Variants in KCND2 observed in about 807,000 individuals in gnomAD.
The protein encoded by KCND2 is A-type voltage-gated potassium channel KCND2.
KCND2 carries 16 observed loss-of-function variants against 54.4 expected under a neutral mutation model. The ratio of observed to expected loss-of-function variants is 0.29; its 90% CI spans 0.20 to 0.45. The LOEUF (loss-of-function observed/expected upper bound fraction) is 0.45. KCND2 is among the 20% of genes least tolerant of loss of function. The pLI is 1.00. For missense variants in KCND2, 486 were observed against 824.2 expected, an observed-to-expected ratio of 0.59 and a Z score of 5.02; for synonymous variants, 317 against 310.7, an observed-to-expected ratio of 1.02 and a Z score of -0.21.
At chr7:120,509,564 T>C (rs73217267) in intron 1 of KCND2, among the ~76,000 whole-genome samples, 1 of 152,240 alleles carries the variant, frequency 6.6e-6, no homozygotes, top group Non-Finnish European at 1.5e-5. Context: ...CTTACTTCTT[T>C]TGGCAACACA....
intron 1 of KCND2, among the ~76,000 whole-genome samples, chr7:120,389,847 T>G (rs1801046458): frequency 6.6e-6 from 1 of 151,930 alleles, no homozygotes; most frequent in Non-Finnish European, 1.5e-5. Flanking sequence ...TTTTTAAACC[T>G]TTTTATAGAT....
In KCND2 at chr7:120,403,730, A is replaced by G. The variant is rs1333637858; in HGVS notation, c.1115+127983A>G. Reference sequence around the variant, plus strand: ...GAAATACAAGTAAATAATTTTGGGGAAGAAAATACATTTATATAACAACAC... The same window carrying G: ...GAAATACAAGTAAATAATTTTGGGGGAGAAAATACATTTATATAACAACAC... On this transcript the variant is annotated intron_variant, in intron 1 of 5. Coordinates refer to ENST00000331113, the MANE Select transcript of KCND2 (RefSeq NM_012281.3). Among the ~76,000 whole-genome samples the G allele has an allele frequency of 7.2e-5, 11 of 152,052 alleles. 1 individual carries two copies. Among genetic ancestry groups the G allele is most frequent in the Admixed American group, 7.2e-4 (11 of 15,238 alleles).
chr7:120,445,397 T>C (rs1340521589), intron 1 of KCND2, among the ~76,000 whole-genome samples: 2 of 152,096 alleles, frequency 1.3e-5, no homozygotes, highest in African/African-American at 4.8e-5. Flanking sequence ...ATAAGTCAAA[T>C]AGAGAATAAT....
chr7:120,357,263 A>G (rs1800520241), intron 1 of KCND2, among the ~76,000 whole-genome samples: 2 of 152,170 alleles, frequency 1.3e-5, no homozygotes. Context: ...TTTTTAAATG[A>G]TGAAACTGAA....
rs956169432 is a variant in KCND2, at chr7:120,750,313, A to T, written c.*2455A>T. The T allele has an allele frequency of 1.3e-5, 2 of 152,426 alleles. No individual in the cohort carries two copies. Among genetic ancestry groups the T allele is most frequent in the Non-Finnish European group, 2.9e-5 (2 of 67,902 alleles). The allele number at this position is 152,426 out of a possible 1,614,324, so 9.4% of individuals were successfully genotyped here. A position where few individuals can be genotyped will look rare whatever the true frequency, so the allele number is the denominator to read the frequency against. On this transcript the variant is annotated 3_prime_UTR_variant, in exon 6 of 6. Coordinates refer to ENST00000331113, the MANE Select transcript of KCND2 (RefSeq NM_012281.3). ...CCTTTGGAGAATACTTAAATAAAAC[A>T]TGTGCATGCTTGAACAGGACAAAAT...
At chr7:120,461,245 T>C (rs1252972350) in intron 1 of KCND2, among the ~76,000 whole-genome samples, 1 of 152,198 alleles carries the variant, frequency 6.6e-6, no homozygotes, top group African/African-American at 2.4e-5. Context: ...ATAATTAGCA[T>C]TGGTGGCTTG....
intron 1 of KCND2, among the ~76,000 whole-genome samples, chr7:120,635,481 A>G (rs1364870424): frequency 2.0e-5 from 3 of 152,224 alleles, no homozygotes; most frequent in Non-Finnish European, 4.4e-5. Context: ...GAACTACACA[A>G]ATTTGGTAGA....
At chr7:120,730,237 G>A (rs183260509) in intron 1 of KCND2, among the ~76,000 whole-genome samples, 18 of 152,098 alleles carry the variant, frequency 1.2e-4, no homozygotes, top group Admixed American at 3.3e-4. Context: ...GTGTGTGCGC[G>A]CGTGCGTGTG....
intron 1 of KCND2, among the ~76,000 whole-genome samples, chr7:120,491,473 T>G (rs976694512): frequency 1.3e-5 from 2 of 152,138 alleles, no homozygotes; most frequent in Non-Finnish European, 2.9e-5. Context: ...TCATCATGCA[T>G]AATCGAAAGG....
At chr7:120,380,785 CTG>C (rs1800906818) in intron 1 of KCND2, among the ~76,000 whole-genome samples, 1 of 151,962 alleles carries the variant, frequency 6.6e-6, no homozygotes, top group South Asian at 2.1e-4. Context: ...AAAACCCAAA[CTG>C]AGCCTGCATT....
chr7:120,434,124 T>C (rs1262813467), intron 1 of KCND2, among the ~76,000 whole-genome samples: 1 of 152,172 alleles, frequency 6.6e-6, no homozygotes, highest in Non-Finnish European at 1.5e-5. Context: ...ACTTGCTTTA[T>C]TGAATTAAGA....
At chr7:120,702,552 A>C (rs1277198102) in intron 1 of KCND2, among the ~76,000 whole-genome samples, 1 of 152,210 alleles carries the variant, frequency 6.6e-6, no homozygotes, top group Non-Finnish European at 1.5e-5. Context: ...AATGTCCATC[A>C]ATAGTAGACT....
At chr7:120,509,716 C>G (rs1394982315) in intron 1 of KCND2, among the ~76,000 whole-genome samples, 2 of 152,052 alleles carry the variant, frequency 1.3e-5, no homozygotes, top group African/African-American at 4.8e-5. Flanking sequence ...TTGTTTACTT[C>G]AATGCAACTG....
intron 1 of KCND2, among the ~76,000 whole-genome samples, chr7:120,355,326 C>T (rs1800486085): frequency 1.3e-5 from 2 of 152,266 alleles, no homozygotes; most frequent in Admixed American, 6.5e-5. Flanking sequence ...GTGGGTGGAT[C>T]ACCTGAAGTC....
intron 2 of KCND2, among the ~76,000 whole-genome samples, chr7:120,737,226 A>T (rs1476800464): frequency 6.6e-6 from 1 of 152,036 alleles, no homozygotes; most frequent in Non-Finnish European, 1.5e-5. Context: ...ACATTTTGAG[A>T]ACCACTGCCT....
At chr7:120,357,285 A>G (rs556158355) in intron 1 of KCND2, among the ~76,000 whole-genome samples, 6 of 152,218 alleles carry the variant, frequency 3.9e-5, no homozygotes, top group African/African-American at 9.6e-5. Context: ...ACCAATATAT[A>G]CAGTTACTAA....
At chr7:120,289,039 C>CACAT (rs1386986296) in intron 1 of KCND2, among the ~76,000 whole-genome samples, 1 of 43,666 alleles carries the variant, frequency 2.3e-5, no homozygotes, top group African/African-American at 5.1e-5. Context: ...GAGACACAAA[C>CACAT]ACACACACAC....
chr7:120,599,838 G>A (rs1792792327), intron 1 of KCND2, among the ~76,000 whole-genome samples: 1 of 151,842 alleles, frequency 6.6e-6, no homozygotes, highest in South Asian at 2.1e-4. Flanking sequence ...TGATGAATAG[G>A]AGTAGTGAGT....
chr7:120,330,479 G>A (rs1388493192), intron 1 of KCND2, among the ~76,000 whole-genome samples: 3 of 148,704 alleles, frequency 2.0e-5, no homozygotes. Flanking sequence ...TACTTGGGAG[G>A]CTGAGGTAGG....
Sources: allele counts gnomAD v4.1 joint callset (sites outside exome capture counted in the v4.1 genomes callset), GRCh38; gene constraint gnomAD v4.1.1; transcripts MANE v1.5; gene names NCBI Gene and HGNC (gene_info 2026-07-23, HGNC 2026-07-21).